The following CCDC33 variants were observed in gnomAD, a reference collection of about 807,000 sequenced individuals.
CCDC33 encodes the protein coiled-coil domain containing 33.
In CCDC33, 94 loss-of-function variants were observed where a neutral mutation model predicts 91.9. The observed-to-expected ratio is 1.02, with a 90% CI of 0.87 to 1.21. The LOEUF is 1.21. CCDC33 is among the 50% of genes most tolerant of loss of function. The probability of loss-of-function intolerance (pLI) is 0.00; values close to 1 mark genes in which losing one functional copy is unlikely to be tolerated. For missense variants in CCDC33, 940 were observed against 935.5 expected, an observed-to-expected ratio of 1.00 and a Z score of -0.06; for synonymous variants, 396 against 374.5, an observed-to-expected ratio of 1.06 and a Z score of -0.66.
intron 11 of CCDC33, chr15:74,302,607 G>A (rs2059817794): frequency 6.6e-6 from 1 of 152,262 alleles, no homozygotes; most frequent in Admixed American, 6.6e-5. Context: ...ATGGCCCTGG[G>A]GTGACCACCC....
intron 11 of CCDC33, among the ~76,000 whole-genome samples, chr15:74,328,415 G>T (rs1196279133): frequency 2.0e-5 from 3 of 152,232 alleles, no homozygotes; most frequent in Non-Finnish European, 4.4e-5. Flanking sequence ...GGACTCTGAG[G>T]CTCAGAAAGG....
intron 2 of CCDC33, among the ~76,000 whole-genome samples, chr15:74,250,221 T>G (rs1269218013): frequency 6.6e-6 from 1 of 152,160 alleles, no homozygotes; most frequent in Non-Finnish European, 1.5e-5. Context: ...TCCCTGAAGA[T>G]CCCTTCAAAG....
chr15:74,241,862 C>A (rs986317467), intron 1 of CCDC33, among the ~76,000 whole-genome samples: 1 of 152,192 alleles, frequency 6.6e-6, no homozygotes, highest in African/African-American at 2.4e-5. Context: ...TCAGGAAGGA[C>A]TCCAAGATGT....
intron 7 of CCDC33, among the ~76,000 whole-genome samples, chr15:74,279,682 G>T (rs958556054): frequency 2.6e-5 from 4 of 152,224 alleles, no homozygotes; most frequent in Middle Eastern, 6.8e-3. Context: ...GATTACAGGA[G>T]TCCCCCACCA....
chr15:74,330,116 A>C (rs2277602), intron 11 of CCDC33, 73 bp from the exon 12 acceptor site: 974,405 of 1,477,478 alleles, frequency 0.66, 327,730 homozygotes, highest in Non-Finnish European at 0.7. Context: ...ACTGACTTTC[A>C]AGTGTAGATG....
chr15:74,239,526 C>G (rs2075281486), intron 1 of CCDC33, among the ~76,000 whole-genome samples: 1 of 152,244 alleles, frequency 6.6e-6, no homozygotes, highest in East Asian at 1.9e-4. Context: ...AGCTTCCAAT[C>G]TTGCCAGGCC....
chr15:74,329,607 T>C (rs1323598381), intron 11 of CCDC33, among the ~76,000 whole-genome samples: 1 of 152,180 alleles, frequency 6.6e-6, no homozygotes, highest in African/African-American at 2.4e-5. Flanking sequence ...CCCCACCTCA[T>C]ACCCCACATC....
Position 74,268,398 on chromosome 15 carries a change from AGTCGTTCG to A in CCDC33, c.488_495del (p.Val163GlufsTer48), listed in dbSNP as rs764156959. The A allele has an allele frequency of 6.2e-7, 1 of 1,600,264 alleles. No homozygotes were observed. Among genetic ancestry groups the A allele is most frequent in the South Asian group, 1.1e-5 (1 of 90,736 alleles). Reference sequence around the variant, plus strand: ...CTGCCAAGACCCAGTTGTACGCAACAGTCGTTCGGAAGAGCAGCTTCATACCCCGCTAC... The same window carrying A: ...CTGCCAAGACCCAGTTGTACGCAACAGAAGAGCAGCTTCATACCCCGCTAC... On this transcript the variant is annotated frameshift_variant, in exon 5 of 19. Coordinates refer to ENST00000398814, the MANE Select transcript of CCDC33 (RefSeq NM_025055.5). LOFTEE classifies it high-confidence loss of function.
rs546730317 is a variant in CCDC33 at position 74,327,866 on chromosome 15, A to G, written c.1291-2323A>G. 4.6e-5 allele frequency among the ~76,000 whole-genome samples: 7 copies of G among 152,256 alleles called. No individual in the cohort carries two copies. The East Asian group carries it at 1.2e-3, about 25-fold the overall frequency. The stretch of plus-strand genomic sequence containing the variant: ...TTGCCACATGCACTTTCCTTTCACA[A>G]TAGAGCGTGGCCATCTCTGTGTGTC... On this transcript the variant is annotated intron_variant, in intron 11 of 18. Coordinates refer to ENST00000398814, the MANE Select transcript of CCDC33 (RefSeq NM_025055.5).
intron 11 of CCDC33, among the ~76,000 whole-genome samples, chr15:74,312,270 T>C (rs1385160601): frequency 6.6e-6 from 1 of 152,210 alleles, no homozygotes; most frequent in African/African-American, 2.4e-5. Flanking sequence ...ATAGTGTCCC[T>C]TGGACACCCC....
upstream of CCDC33, chr15:74,213,614 C>A (rs1391077152): frequency 6.6e-6 from 1 of 152,230 alleles, no homozygotes; most frequent in Admixed American, 6.5e-5. Flanking sequence ...GAAGCTTTCC[C>A]CTGGCCGCTG....
chr15:74,204,599 G>C (rs2074215656), intron 1 of CCDC33, among the ~76,000 whole-genome samples: 2 of 152,200 alleles, frequency 1.3e-5, no homozygotes. Flanking sequence ...CCCTCTACAA[G>C]GCAGCAGTGT....
chr15:74,327,106 G>A (rs187305090), intron 11 of CCDC33, among the ~76,000 whole-genome samples: 6 of 152,114 alleles, frequency 3.9e-5, no homozygotes, highest in African/African-American at 1.4e-4. Flanking sequence ...AGCCAGGGCC[G>A]AGATCCCTCT....
chr15:74,329,954 G>A (rs879543015), intron 11 of CCDC33, among the ~76,000 whole-genome samples: 8 of 152,326 alleles, frequency 5.3e-5, no homozygotes, highest in South Asian at 2.1e-4. Flanking sequence ...ATCACAGGAC[G>A]TGATGTGGCC....
intron 2 of CCDC33, among the ~76,000 whole-genome samples, chr15:74,227,237 C>T (rs988485528): frequency 5.9e-5 from 9 of 152,186 alleles, no homozygotes; most frequent in African/African-American, 1.9e-4. Context: ...ATCCAGATCA[C>T]CATATATTTT....
Position 74,266,671 on chromosome 15 carries a change from T to C in CCDC33, c.320-7T>C, listed in dbSNP as rs1456013357. On this transcript the variant is annotated splice_polypyrimidine_tract_variant and splice_region_variant and intron_variant, in intron 3 of 18. Transcript: ENST00000398814. ...AATAAACCTGGGCTCATTTTTTCTC[T>C]TTCCAGATGTGATCCTCAAGGTGGT... The C allele has an allele frequency of 1.2e-6, 2 of 1,605,854 alleles. No homozygotes were observed. The highest frequency in any genetic ancestry group is 4.5e-5 in the East Asian group (2 of 44,800).
chr15:74,304,769 T>C (rs977879375), intron 11 of CCDC33, among the ~76,000 whole-genome samples: 1 of 152,072 alleles, frequency 6.6e-6, no homozygotes, highest in Non-Finnish European at 1.5e-5. Flanking sequence ...CCTGTCTTCC[T>C]GACCGACTTG....
upstream of CCDC33, among the ~76,000 whole-genome samples, chr15:74,215,818 C>T (rs1394097037): frequency 6.6e-6 from 1 of 150,376 alleles, no homozygotes; most frequent in Non-Finnish European, 1.5e-5. Flanking sequence ...TTGCAGTGAG[C>T]CGAGATCTCG....
intron 2 of CCDC33, among the ~76,000 whole-genome samples, chr15:74,227,421 T>G (rs2074837933): frequency 6.6e-6 from 1 of 152,132 alleles, no homozygotes; most frequent in South Asian, 2.1e-4. Flanking sequence ...GGAAGCACTT[T>G]GAGGGAGGAG....
Sources: gnomAD v4.1 joint callset for allele counts (sites outside exome capture counted in the v4.1 genomes callset) on GRCh38, gnomAD v4.1.1 for gene constraint, MANE v1.5 for transcripts, NCBI Gene and HGNC (gene_info 2026-07-23, HGNC 2026-07-21) for gene names.